NFATC2: variants seen among roughly 807,000 people sequenced by gnomAD.
NFATC2 encodes nuclear factor of activated T-cells, cytoplasmic 2.
Under a neutral mutation model 87.3 loss-of-function variants are expected in NFATC2, and 22 were observed. That is an observed-to-expected ratio of 0.25 (90% CI 0.18 to 0.36). The LOEUF is 0.36. NFATC2 is among the 10% of genes least tolerant of loss of function. The probability of loss-of-function intolerance (pLI) is 1.00; values close to 1 mark genes in which losing one functional copy is unlikely to be tolerated. For missense variants in NFATC2, 1,149 were observed against 1,259.1 expected (o/e 0.91, Z 1.32); for synonymous variants, 565 against 542.2 (o/e 1.04, Z -0.58).
intron 1 of NFATC2, among the ~76,000 whole-genome samples, chr20:51,555,993 T>C (rs1049992502): frequency 3.9e-5 from 6 of 152,218 alleles, no homozygotes; most frequent in Admixed American, 3.9e-4. Flanking sequence ...CAAGTTCAGA[T>C]GAAGTCATAC....
chr20:51,505,107 G>T (rs146892323), intron 3 of NFATC2, among the ~76,000 whole-genome samples: 8,117 of 137,846 alleles, frequency 0.059, 281 homozygotes, highest in East Asian at 0.12. Context: ...TCCACCTCCC[G>T]GGTTCACACC....
At chr20:51,430,990 C>T (rs1982620749) in intron 9 of NFATC2, among the ~76,000 whole-genome samples, 1 of 152,120 alleles carries the variant, frequency 6.6e-6, no homozygotes, top group Non-Finnish European at 1.5e-5. Flanking sequence ...AGAAAAAACT[C>T]CAGTCGCTTA....
At chr20:51,458,042 C>T (rs1465848500) in intron 5 of NFATC2, among the ~76,000 whole-genome samples, 4 of 152,044 alleles carry the variant, frequency 2.6e-5, no homozygotes, top group Non-Finnish European at 5.9e-5. Flanking sequence ...TGTGCCACCA[C>T]ATCCTGCTTA....
intron 1 of NFATC2, among the ~76,000 whole-genome samples, chr20:51,531,393 C>T (rs1305596089): frequency 6.6e-6 from 1 of 152,252 alleles, no homozygotes; most frequent in East Asian, 1.9e-4. Context: ...CTTATCACCC[C>T]TCCTTTCATC....
At chr20:51,398,797 T>C in intron 9 of NFATC2, 67 bp from the exon 10 acceptor site, 1 of 1,085,190 alleles carries the variant, frequency 9.2e-7, no homozygotes, top group Admixed American at 1.8e-5. Flanking sequence ...TCTCTTACGC[T>C]TCCAACTCAT....
intron 5 of NFATC2, among the ~76,000 whole-genome samples, chr20:51,461,675 C>T (rs2064744650): frequency 6.6e-6 from 1 of 152,344 alleles, no homozygotes; most frequent in South Asian, 2.1e-4. Flanking sequence ...CCCACATCGC[C>T]CAAGTAGGCC....
At chr20:51,393,645 T>C (rs1986635780) in intron 10 of NFATC2, among the ~76,000 whole-genome samples, 1 of 152,190 alleles carries the variant, frequency 6.6e-6, no homozygotes, top group Non-Finnish European at 1.5e-5. Flanking sequence ...GGTGATAAGC[T>C]GACCATGCTG....
chr20:51,493,653 C>T (rs1470795881), intron 3 of NFATC2, among the ~76,000 whole-genome samples: 3 of 152,134 alleles, frequency 2.0e-5, no homozygotes, highest in Admixed American at 6.5e-5. Context: ...TCAACGTCAC[C>T]GCAGGGAAAC....
intron 6 of NFATC2, among the ~76,000 whole-genome samples, chr20:51,446,357 T>C (rs1985057402): frequency 6.6e-6 from 1 of 152,162 alleles, no homozygotes; most frequent in Non-Finnish European, 1.5e-5. Context: ...TGCCTGATAC[T>C]TTCAGTTCCT....
At chr20:51,447,868 C>T (rs1230734800) in intron 6 of NFATC2, among the ~76,000 whole-genome samples, 1 of 152,212 alleles carries the variant, frequency 6.6e-6, no homozygotes, top group Non-Finnish European at 1.5e-5. Flanking sequence ...CTCGAGTTGA[C>T]GACAAATGCT....
rs371119940 is a variant in NFATC2, at chr20:51,401,207, TAAAAATAC to T, written c.2723-2485_2723-2478del. Among the ~76,000 whole-genome samples the T allele has an allele frequency of 4.0e-3, 615 of 152,082 alleles. 5 individuals carry two copies. Among genetic ancestry groups the T allele is most frequent in the African/African-American group, 0.014 (585 of 41,478 alleles). On this transcript the variant is annotated intron_variant, in intron 9 of 10. Transcript: ENST00000371564. ...CAATATGGTGAAACCCCGTCTCTAC[TAAAAATAC>T]AAAAATTAGCTGGGTGTGACGGCAG...
At chr20:51,409,973 A>G (rs6067762) in intron 9 of NFATC2, among the ~76,000 whole-genome samples, 94,038 of 151,436 alleles carry the variant, frequency 0.62, 30,705 homozygotes, top group Non-Finnish European at 0.74. Flanking sequence ...CACTTTGGGA[A>G]GCTGAGGTGG....
rs1184978605 is a variant in NFATC2, at chr20:51,561,431, A to AAAAGAAAG, written c.70+1121_70+1128dup. Among the ~76,000 whole-genome samples, 193 of 110,188 alleles carry AAAAGAAAG rather than the reference A, an allele frequency of 1.8e-3. 2 individuals carry two copies. The highest frequency in any genetic ancestry group is 4.6e-3 in the East Asian group (17 of 3,694). 72.3% of individuals were successfully genotyped at this position (110,188 alleles called of 152,430 possible). On this transcript the variant is annotated intron_variant, in intron 1 of 10. Coordinates refer to the NFATC2 transcript ENST00000414705. ...AAGAAAGAAAGAAAGAGAGAGAAAG[A>AAAAGAAAG]AAAGAAAGAAAGAAAGAAAGAAAGA...
At chr20:51,492,837 C>G (rs971343114) in intron 3 of NFATC2, among the ~76,000 whole-genome samples, 1 of 152,192 alleles carries the variant, frequency 6.6e-6, no homozygotes, top group African/African-American at 2.4e-5. Flanking sequence ...TCCAAGTGAG[C>G]GCCGGCCGGG....
intron 2 of NFATC2, among the ~76,000 whole-genome samples, 153 bp downstream of exon 2, chr20:51,522,928 G>A (rs759428184): frequency 6.6e-6 from 1 of 152,192 alleles, no homozygotes; most frequent in Non-Finnish European, 1.5e-5. Flanking sequence ...TTTAACTTCC[G>A]TCTCAGGGTC....
At chr20:51,495,747 C>A (rs542745174) in intron 3 of NFATC2, among the ~76,000 whole-genome samples, 35 of 152,282 alleles carry the variant, frequency 2.3e-4, no homozygotes, top group African/African-American at 8.2e-4. Context: ...CACATGCACA[C>A]CCCCAGGTGT....
chr20:51,471,816 TCTA>T (rs912748338), intron 5 of NFATC2, among the ~76,000 whole-genome samples: 23 of 152,368 alleles, frequency 1.5e-4, no homozygotes, highest in African/African-American at 5.3e-4. Flanking sequence ...TTTTGATTTT[TCTA>T]CTATTTTTTT....
At chr20:51,496,310 C>T (rs1272801844) in intron 3 of NFATC2, among the ~76,000 whole-genome samples, 1 of 152,056 alleles carries the variant, frequency 6.6e-6, no homozygotes, top group African/African-American at 2.4e-5. Context: ...TGCTTAAAGC[C>T]CTGAGCGTGT....
At chr20:51,403,152 T>G (rs368257119) in intron 9 of NFATC2, among the ~76,000 whole-genome samples, 1 of 152,224 alleles carries the variant, frequency 6.6e-6, no homozygotes, top group African/African-American at 2.4e-5. Flanking sequence ...CCTTTGGATC[T>G]ATCTTTTGTA....
Sources: allele counts gnomAD v4.1 joint callset (sites outside exome capture counted in the v4.1 genomes callset), GRCh38; gene constraint gnomAD v4.1.1; transcripts MANE v1.5; gene names NCBI Gene and HGNC (gene_info 2026-07-23, HGNC 2026-07-21).